The following FHDC1 variants were observed in gnomAD, a reference collection of about 807,000 sequenced individuals.
The protein encoded by FHDC1 is FH2 domain containing 1.
A neutral mutation model predicts 52.6 loss-of-function variants in FHDC1; 25 were observed. The observed-to-expected ratio is 0.48, with a 90% confidence interval of 0.35 to 0.66. The LOEUF (loss-of-function observed/expected upper bound fraction) is 0.66, where lower values mean the gene tolerates loss of function less well. FHDC1 is among the 30% of genes least tolerant of loss of function. The pLI, the probability that FHDC1 is intolerant of heterozygous loss-of-function variation, is 0.01. For synonymous variants in FHDC1, 616 were observed against 581.5 expected, an observed-to-expected ratio of 1.06 and a Z score of -0.85; for missense variants, 1,459 against 1,452.8, an observed-to-expected ratio of 1.00 and a Z score of -0.07.
chr4:152,927,188 G>C, the FHDC1 span, among the ~76,000 whole-genome samples: 6 of 152,206 alleles, frequency 3.9e-5, no homozygotes, highest in Admixed American at 1.3e-4. Context: ...TTTAGATCTC[G>C]ACCAAGTTTT....
chr4:152,950,727 G>C (rs906247510), intron 2 of FHDC1, among the ~76,000 whole-genome samples: 3 of 152,210 alleles, frequency 2.0e-5, no homozygotes. Flanking sequence ...CCAGGCACAC[G>C]TATAGCTTCT....
At chr4:152,940,105 T>C (rs1040260612) in intron 1 of FHDC1, among the ~76,000 whole-genome samples, 5 of 152,242 alleles carry the variant, frequency 3.3e-5, no homozygotes, top group African/African-American at 1.2e-4. Context: ...AATTTCCATG[T>C]GGCTGTGGAA....
At position 152,975,944 on chromosome 4, in the gene FHDC1, G is replaced by A. The variant is rs765505969; in HGVS notation, c.2653G>A (p.Gly885Arg). The change falls in exon 12 of 12, where the codon GGG becomes AGG. Residue 885 changes from glycine to arginine, a missense_variant. Gly to Arg is a moderately radical substitution (Grantham distance 125). Transcript: ENST00000511601. ...SKPGSARRSQ[G>R]AVAKSVRTLT... ...GCCCGGGAGCGCCCGGCGGAGCCAGGGGGCAGTGGCCAAGTCTGTGCGGAC... is the reference window on the plus strand; with the variant it reads ...GCCCGGGAGCGCCCGGCGGAGCCAGAGGGCAGTGGCCAAGTCTGTGCGGAC... 2 of 1,514,576 alleles carry A rather than the reference G, an allele frequency of 1.3e-6. No individual in the cohort carries two copies. The highest frequency in any genetic ancestry group is 1.8e-6 in the Non-Finnish European group (2 of 1,133,776). The allele number at this position is 1,514,576 out of a possible 1,614,324, so 93.8% of individuals were successfully genotyped here.
chr4:152,973,489 G>A (rs1740739372), intron 11 of FHDC1, among the ~76,000 whole-genome samples: 1 of 152,234 alleles, frequency 6.6e-6, no homozygotes, highest in Non-Finnish European at 1.5e-5. Flanking sequence ...TCAAGGCCAA[G>A]TTGGCTCTTA....
chr4:152,911,409 C>G, the FHDC1 span: 2 of 152,202 alleles, frequency 1.3e-5, no homozygotes, highest in African/African-American at 4.8e-5. Flanking sequence ...TGTGGTGGTA[C>G]CAGGAAGAAA....
chr4:152,923,764 C>T, the FHDC1 span, among the ~76,000 whole-genome samples: 1 of 151,934 alleles, frequency 6.6e-6, no homozygotes, highest in Admixed American at 6.6e-5. Context: ...GGAAAGGATT[C>T]CCTATGTAAT....
At chr4:152,966,956 C>CA (rs1740480465) in intron 9 of FHDC1, among the ~76,000 whole-genome samples, 1 of 151,972 alleles carries the variant, frequency 6.6e-6, no homozygotes, top group African/African-American at 2.4e-5. Context: ...CCTGTCTCTA[C>CA]AAAAAATTTA....
At chr4:152,951,157 G>A (rs1739913903) in intron 2 of FHDC1, among the ~76,000 whole-genome samples, 1 of 152,170 alleles carries the variant, frequency 6.6e-6, no homozygotes, top group South Asian at 2.1e-4. Flanking sequence ...TACGAAACAA[G>A]TCATTTATCC....
chr4:152,914,998 A>G, the FHDC1 span, among the ~76,000 whole-genome samples: 1 of 152,190 alleles, frequency 6.6e-6, no homozygotes, highest in Non-Finnish European at 1.5e-5. Flanking sequence ...AAGCCTTAGA[A>G]TAATAAAGTA....
At chr4:152,936,270 C>G (rs1473863990), upstream of FHDC1, 1 of 152,186 alleles carries the variant, frequency 6.6e-6, no homozygotes, top group Non-Finnish European at 1.5e-5. Context: ...CTGAGGCTGC[C>G]GCTGCGCCCC....
rs1036299270 is a variant in FHDC1, at chr4:152,976,979, C to G, written c.*256C>G. The G allele has an allele frequency of 3.5e-6, 1 of 284,894 alleles. No homozygotes were observed. Among genetic ancestry groups the G allele is most frequent in the South Asian group, 1.9e-4 (1 of 5,228 alleles). The allele number at this position is 284,894 out of a possible 1,614,324, so 17.6% of individuals were successfully genotyped here. Reference sequence around the variant, plus strand: ...GGCCGCACCTCCCCCATGCACCCCACCCTCCCCCAAAGCCCGGATCCCGAG... The same window carrying G: ...GGCCGCACCTCCCCCATGCACCCCAGCCTCCCCCAAAGCCCGGATCCCGAG... On this transcript the variant is annotated 3_prime_UTR_variant, in exon 12 of 12. Coordinates refer to ENST00000511601, the MANE Select transcript of FHDC1 (RefSeq NM_001371116.1).
chr4:152,963,257 C>CT, intron 8 of FHDC1, 127 bp downstream of exon 8: 2 of 771,216 alleles, frequency 2.6e-6, no homozygotes, highest in Non-Finnish European at 4.3e-6. Flanking sequence ...CAAGATGGTT[C>CT]TGTTTGTAGA....
the FHDC1 span, chr4:152,911,357 A>T: frequency 6.6e-6 from 1 of 152,562 alleles, no homozygotes; most frequent in African/African-American, 2.4e-5. Flanking sequence ...GGAAAACAGA[A>T]AGATTCTTTG....
At position 152,976,220 on chromosome 4, in the gene FHDC1, C is replaced by T; in HGVS notation, c.2929C>T (p.Pro977Ser). Residue 977 changes from proline (P) to serine (S), a missense_variant, in exon 12 of 12, where the codon CCC becomes TCC. Transcript: ENST00000511601. Reference sequence around the variant, plus strand: ...TCCGGGGAGGGACGTTCCCCTGCAGCCCAGGGGTTCTTTCAAGAAGCCCAG... The same window carrying T: ...TCCGGGGAGGGACGTTCCCCTGCAGTCCAGGGGTTCTTTCAAGAAGCCCAG... ...TRPGRDVPLQ[P>S]RGSFKKPSAK... 2.5e-6 allele frequency: 4 copies of T among 1,613,010 alleles called. No individual in the cohort carries two copies. Among genetic ancestry groups the T allele is most frequent in the African/African-American group, 1.3e-5 (1 of 75,048 alleles).
Position 152,975,917 on chromosome 4 carries a change from A to G in FHDC1, c.2626A>G (p.Lys876Glu). The part of the protein sequence containing the change: ...SLKEASPGAS[K>E]PGSARRSQGA... ...GAAAGAGGCGTCTCCCGGGGCCTCC[A>G]AGCCCGGGAGCGCCCGGCGGAGCCA... is the stretch of plus-strand genomic sequence containing the variant. Residue 876 changes from lysine to glutamate, a missense_variant, in exon 12 of 12, where the codon AAG (lysine) becomes GAG (glutamate). Physicochemically the swap from Lys to Glu is moderately conservative, Grantham distance 56 (BLOSUM62 1). Around this residue, in one of 3 missense-constraint regions of FHDC1, gnomAD observed 939 missense variants for 854.5 expected, o/e 1.10. Coordinates refer to ENST00000511601, the MANE Select transcript of FHDC1 (RefSeq NM_001371116.1). 3 of 1,514,374 alleles carry G rather than the reference A, an allele frequency of 2.0e-6. No individual in the cohort carries two copies. In the East Asian group the frequency reaches 6.8e-5, roughly 34 times the overall value. The allele number at this position is 1,514,374 out of a possible 1,614,324, so 93.8% of individuals were successfully genotyped here.
chr4:152,961,168 C>T (rs1044157119), intron 6 of FHDC1, among the ~76,000 whole-genome samples: 3 of 152,146 alleles, frequency 2.0e-5, no homozygotes, highest in African/African-American at 4.8e-5. Context: ...GTGGTGTGTG[C>T]ATGTGTGGTG....
rs146827086 is a variant in FHDC1 at position 152,963,742 on chromosome 4, T to A, written c.1029+612T>A. Among the ~76,000 whole-genome samples the A allele has an allele frequency of 7.6e-3, 1,117 of 146,792 alleles. 11 individuals are homozygous for A. Among genetic ancestry groups the A allele is most frequent in the African/African-American group, 0.026 (1,040 of 39,978 alleles). ...GAGCACCATGCTGCTAGCACAGGGT[T>A]TGGAGTCTGATCCTATCCATTGCTT... On this transcript the variant is annotated intron_variant, in intron 8 of 11. Coordinates refer to ENST00000511601, the MANE Select transcript of FHDC1 (RefSeq NM_001371116.1).
chr4:152,955,035 T>C (rs1178711645), intron 4 of FHDC1, among the ~76,000 whole-genome samples: 3 of 152,158 alleles, frequency 2.0e-5, no homozygotes, highest in Non-Finnish European at 4.4e-5. Flanking sequence ...CAGGATTCCT[T>C]TTCTATCATC....
At chr4:152,926,626 T>C in the FHDC1 span, among the ~76,000 whole-genome samples, 1 of 151,948 alleles carries the variant, frequency 6.6e-6, no homozygotes, top group Non-Finnish European at 1.5e-5. Flanking sequence ...TGAAGCCCTT[T>C]AGGTAATCTA....
Sources: allele counts gnomAD v4.1 joint callset (sites outside exome capture counted in the v4.1 genomes callset), GRCh38; gene constraint gnomAD v4.1.1; regional missense constraint gnomAD v4.1.1; transcripts MANE v1.5; gene names NCBI Gene and HGNC (gene_info 2026-07-23, HGNC 2026-07-21).